VWA3B: variants seen among roughly 807,000 people sequenced by gnomAD.
The protein encoded by VWA3B is von Willebrand factor A domain containing 3B.
A neutral mutation model predicts 158.3 loss-of-function variants in VWA3B; 138 were observed. That is an observed-to-expected ratio of 0.87 (90% confidence interval 0.76 to 1.00). VWA3B has a LOEUF of 1.00. Among genes scored for constraint, VWA3B ranks in the 50% least tolerant of loss-of-function variants. The probability of loss-of-function intolerance (pLI) is 0.00; values close to 1 mark genes in which losing one functional copy is unlikely to be tolerated. For synonymous variants in VWA3B, 596 were observed against 587.3 expected, an observed-to-expected ratio of 1.01 and a Z score of -0.21; for missense variants, 1,555 against 1,565.1, an observed-to-expected ratio of 0.99 and a Z score of 0.11.
At chr2:98,103,481 G>A (rs1683226826) in intron 2 of VWA3B, among the ~76,000 whole-genome samples, 1 of 152,032 alleles carries the variant, frequency 6.6e-6, no homozygotes, top group Non-Finnish European at 1.5e-5. Context: ...TCAATCAGTA[G>A]TGTTTAATAT....
intron 7 of VWA3B, among the ~76,000 whole-genome samples, chr2:98,138,256 C>A (rs942275898): frequency 1.3e-5 from 2 of 152,292 alleles, no homozygotes; most frequent in South Asian, 4.1e-4. Flanking sequence ...GGAAGCCTTC[C>A]GTGGCCAGTG....
At chr2:98,283,702 A>G (rs1486179815) in intron 22 of VWA3B, among the ~76,000 whole-genome samples, 1 of 152,220 alleles carries the variant, frequency 6.6e-6, no homozygotes, top group Non-Finnish European at 1.5e-5. Flanking sequence ...GGCCTTATAC[A>G]TACATCCTAA....
At chr2:98,299,987 C>A in intron 24 of VWA3B, 92 bp from the exon 25 acceptor site, 1 of 1,508,164 alleles carries the variant, frequency 6.6e-7, no homozygotes, top group Non-Finnish European at 9.1e-7. Context: ...TCAGTACTTG[C>A]CAATTGCCTT....
At chr2:98,279,814 G>A (rs1211618034) in intron 22 of VWA3B, among the ~76,000 whole-genome samples, 1 of 152,188 alleles carries the variant, frequency 6.6e-6, no homozygotes, top group African/African-American at 2.4e-5. Flanking sequence ...AAATTAGGGA[G>A]ATAGGGTGGT....
intron 1 of VWA3B, among the ~76,000 whole-genome samples, chr2:98,088,838 C>T (rs1291810261): frequency 6.6e-6 from 1 of 152,092 alleles, no homozygotes; most frequent in Non-Finnish European, 1.5e-5. Context: ...ACTGCAACCT[C>T]TGCCCCCTGG....
rs371486527 is a variant in VWA3B at position 98,164,960 on chromosome 2, C to T, written c.1114+1984C>T. On this transcript the variant is annotated intron_variant, in intron 8 of 27. Coordinates refer to ENST00000477737, the MANE Select transcript of VWA3B (RefSeq NM_144992.5). The stretch of plus-strand genomic sequence containing the variant: ...CCCACCTGAGTTTGTCTCTTTTAGC[C>T]TTATTCTTCTGCACAACGACTATCA... Among the ~76,000 whole-genome samples, 59 of 152,328 alleles carry T rather than the reference C, an allele frequency of 3.9e-4. No homozygotes were observed. The South Asian group carries it at 0.012, about 32-fold the overall frequency.
chr2:98,098,824 CTAG>C (rs1682891603), intron 2 of VWA3B, among the ~76,000 whole-genome samples: 2 of 151,946 alleles, frequency 1.3e-5, no homozygotes, highest in Non-Finnish European at 2.9e-5. Flanking sequence ...TGATTTTTCT[CTAG>C]TAGTATGTTT....
At chr2:98,115,321 C>T (rs1180498193) in intron 2 of VWA3B, among the ~76,000 whole-genome samples, 1 of 152,086 alleles carries the variant, frequency 6.6e-6, no homozygotes, top group Non-Finnish European at 1.5e-5. Context: ...GGAGGGATAG[C>T]ATTAGGAGAA....
chr2:98,180,613 C>G (rs768172650), intron 8 of VWA3B, among the ~76,000 whole-genome samples: 1 of 152,216 alleles, frequency 6.6e-6, no homozygotes, highest in East Asian at 1.9e-4. Context: ...GTGACTCACC[C>G]AAGTTTGAGC....
At chr2:98,292,717 C>T (rs1689569186) in intron 23 of VWA3B, among the ~76,000 whole-genome samples, 1 of 152,108 alleles carries the variant, frequency 6.6e-6, no homozygotes, top group African/African-American at 2.4e-5. Flanking sequence ...GTAATCTCAG[C>T]ACTTTGGGAG....
chr2:98,309,601 C>T (rs866584315), intron 26 of VWA3B, among the ~76,000 whole-genome samples: 45 of 152,204 alleles, frequency 3.0e-4, no homozygotes, highest in African/African-American at 1.0e-3. Flanking sequence ...TGATACCGTG[C>T]GCAGTGTTTA....
intron 19 of VWA3B, among the ~76,000 whole-genome samples, chr2:98,246,865 A>G (rs1686430826): frequency 2.0e-5 from 3 of 151,928 alleles, no homozygotes; most frequent in African/African-American, 7.3e-5. Flanking sequence ...GTGCAATACC[A>G]TTTTTTGTAA....
intron 6 of VWA3B, among the ~76,000 whole-genome samples, chr2:98,129,885 CA>C (rs1417860905): frequency 1.3e-5 from 2 of 151,988 alleles, no homozygotes; most frequent in Non-Finnish European, 2.9e-5. Context: ...TTATAGGGCC[CA>C]TGAAGGGGTG....
At chr2:98,308,758 C>T (rs1690692888) in intron 26 of VWA3B, among the ~76,000 whole-genome samples, 1 of 152,214 alleles carries the variant, frequency 6.6e-6, no homozygotes, top group Admixed American at 6.5e-5. Flanking sequence ...GCCGCCTGAA[C>T]TGAATACACA....
At chr2:98,089,539 G>C (rs369384827) in intron 1 of VWA3B, among the ~76,000 whole-genome samples, 73 of 152,162 alleles carry the variant, frequency 4.8e-4, no homozygotes, top group African/African-American at 1.7e-3. Flanking sequence ...AGGGGGCTAC[G>C]TCCCGGCTCG....
Position 98,191,368 on chromosome 2 carries a change from G to T in VWA3B, c.1467-1530G>T, listed in dbSNP as rs190260405. Among the ~76,000 whole-genome samples, 428 of 152,170 alleles carry T rather than the reference G, an allele frequency of 2.8e-3. 5 individuals are homozygous for T. The highest frequency in any genetic ancestry group is 0.013 in the South Asian group (61 of 4,822). The stretch of plus-strand genomic sequence containing the variant: ...CTTCTGGTTTGGATCGTATTTTCCT[G>T]CTTCTTTGTATGCCTGGTAATTTTT... On this transcript the variant is annotated intron_variant, in intron 10 of 27. Transcript: ENST00000477737.
intron 22 of VWA3B, among the ~76,000 whole-genome samples, chr2:98,282,368 A>G (rs923032883): frequency 6.6e-6 from 1 of 152,070 alleles, no homozygotes; most frequent in African/African-American, 2.4e-5. Flanking sequence ...TGTGGAATCA[A>G]CCAGAAATGA....
intron 4 of VWA3B, 52 bp from the exon 5 acceptor site, chr2:98,121,247 T>C: frequency 6.4e-7 from 1 of 1,566,308 alleles, no homozygotes; most frequent in Non-Finnish European, 8.7e-7. Context: ...AGGTTTGGCA[T>C]CCCAGTAGCA....
intron 1 of VWA3B, among the ~76,000 whole-genome samples, chr2:98,092,604 C>G (rs1016331723): frequency 6.6e-6 from 1 of 151,892 alleles, no homozygotes; most frequent in Non-Finnish European, 1.5e-5. Flanking sequence ...GATTGTGCCA[C>G]TGCACTCCAG....
Sources: gnomAD v4.1 joint callset for allele counts (sites outside exome capture counted in the v4.1 genomes callset) on GRCh38, gnomAD v4.1.1 for gene constraint, MANE v1.5 for transcripts, NCBI Gene and HGNC (gene_info 2026-07-23, HGNC 2026-07-21) for gene names.